ADAMTS20: variants seen among roughly 807,000 people sequenced by gnomAD.
ADAMTS20 encodes the protein A disintegrin and metalloproteinase with thrombospondin motifs 20.
In ADAMTS20, 225 loss-of-function variants were observed where a neutral mutation model predicts 260.1. The observed-to-expected ratio is 0.87, with a 90% CI of 0.78 to 0.97. The LOEUF is 0.97. ADAMTS20 is among the 50% of genes least tolerant of loss of function. The probability of loss-of-function intolerance (pLI) is 0.00; values close to 1 mark genes in which losing one functional copy is unlikely to be tolerated. For missense variants in ADAMTS20, 2,400 were observed against 2,337.7 expected (o/e 1.03, Z -0.55); for synonymous variants, 802 against 769.5 (o/e 1.04, Z -0.70).
chr12:43,494,989 G>GA (rs1257725120), intron 4 of ADAMTS20, among the ~76,000 whole-genome samples: 3 of 152,240 alleles, frequency 2.0e-5, no homozygotes, highest in Non-Finnish European at 4.4e-5. Context: ...GTGGTCCACA[G>GA]AAAAAAGAGC....
intron 28 of ADAMTS20, among the ~76,000 whole-genome samples, chr12:43,403,263 G>A (rs1223902486): frequency 6.6e-6 from 1 of 152,084 alleles, no homozygotes; most frequent in Admixed American, 6.6e-5. Flanking sequence ...TACTGCAGAA[G>A]AATGAATGTA....
chr12:43,522,460 T>C (rs1239222412), intron 3 of ADAMTS20, among the ~76,000 whole-genome samples: 1 of 152,188 alleles, frequency 6.6e-6, no homozygotes, highest in Non-Finnish European at 1.5e-5. Context: ...AGTCATCTGT[T>C]TATTGCTCTA....
intron 3 of ADAMTS20, among the ~76,000 whole-genome samples, chr12:43,528,414 A>G (rs1435287725): frequency 6.7e-6 from 1 of 150,074 alleles, no homozygotes; most frequent in Non-Finnish European, 1.5e-5. Flanking sequence ...TTCCAATTAT[A>G]CTACAAGGCT....
At chr12:43,517,365 T>C (rs1442632732) in intron 3 of ADAMTS20, among the ~76,000 whole-genome samples, 1 of 152,086 alleles carries the variant, frequency 6.6e-6, no homozygotes, top group Non-Finnish European at 1.5e-5. Context: ...ATAGGGCCAA[T>C]ATTTTAAAAT....
Position 43,416,833 on chromosome 12 carries a change from C to CT in ADAMTS20, c.4284+8680dup, listed in dbSNP as rs1941142064. ...CACCGCGCCCGGCCAAACTGAACTA[C>CT]TTTTTTCTGGTCTCTATGGTTTTGC... On this transcript the variant is annotated intron_variant, in intron 28 of 38. Transcript: ENST00000389420. Among the ~76,000 whole-genome samples, 8 of 152,116 alleles carry CT rather than the reference C, an allele frequency of 5.3e-5. No homozygotes were observed. The South Asian group carries it at 1.7e-3, about 32-fold the overall frequency.
At chr12:43,431,964 ACGTCCC>A (rs1941452564) in intron 21 of ADAMTS20, among the ~76,000 whole-genome samples, 1 of 151,356 alleles carries the variant, frequency 6.6e-6, no homozygotes, top group Non-Finnish European at 1.5e-5. Flanking sequence ...TTGATACTCC[ACGTCCC>A]AGACTCAAGC....
chr12:43,437,009 CTT>C, intron 18 of ADAMTS20, among the ~76,000 whole-genome samples: 1 of 152,262 alleles, frequency 6.6e-6, no homozygotes, highest in South Asian at 2.1e-4. Context: ...TTCAATCAGA[CTT>C]TTAGTACTTT....
intron 2 of ADAMTS20, among the ~76,000 whole-genome samples, chr12:43,545,125 C>T (rs867640841): frequency 6.6e-6 from 1 of 152,192 alleles, no homozygotes; most frequent in Non-Finnish European, 1.5e-5. Flanking sequence ...CTTCTCCTTC[C>T]CCACTGCAAC....
chr12:43,524,466 A>G (rs1437285388), intron 3 of ADAMTS20, among the ~76,000 whole-genome samples: 2 of 152,186 alleles, frequency 1.3e-5, no homozygotes, highest in East Asian at 3.9e-4. Context: ...TAAAACATGC[A>G]AAAGAACACA....
Position 43,532,105 on chromosome 12 carries a change from G to A in ADAMTS20, c.544C>T (p.Pro182Ser). 1 of 1,612,332 alleles carries A rather than the reference G, an allele frequency of 6.2e-7. No individual in the cohort carries two copies. The highest frequency in any genetic ancestry group is 2.2e-5 in the East Asian group (1 of 44,812). Residue 182 changes from proline to serine, a missense_variant, in exon 3 of 39, where the codon CCA (proline) becomes TCA (serine). Pro to Ser is a moderately conservative substitution (Grantham distance 74). Transcript: ENST00000389420. ...GNEYEDGHNK[P>S]HLIYRQDLNN... ...AAGTCTTGTCTGTATATAAGATGTGGCTTGTTGTGACCATCTTCATATTCA... is the reference window on the plus strand; with the variant it reads ...AAGTCTTGTCTGTATATAAGATGTGACTTGTTGTGACCATCTTCATATTCA...
intron 7 of ADAMTS20, 59 bp from the exon 8 acceptor site, chr12:43,468,764 A>G: frequency 9.9e-7 from 1 of 1,008,588 alleles, no homozygotes; most frequent in Non-Finnish European, 1.5e-6. Context: ...AATCATAAAG[A>G]ACTTAATTTT....
At chr12:43,445,569 G>A (rs1011353389) in intron 15 of ADAMTS20, among the ~76,000 whole-genome samples, 1 of 152,046 alleles carries the variant, frequency 6.6e-6, no homozygotes, top group Non-Finnish European at 1.5e-5. Flanking sequence ...AATAGGCTAG[G>A]TGTGGTGGTT....
intron 2 of ADAMTS20, among the ~76,000 whole-genome samples, chr12:43,541,827 C>A (rs894206763): frequency 2.0e-5 from 3 of 152,152 alleles, no homozygotes; most frequent in African/African-American, 7.2e-5. Context: ...GCATTATTTA[C>A]CTTCCCCATT....
chr12:43,399,923 G>A (rs535929856), intron 28 of ADAMTS20, among the ~76,000 whole-genome samples: 6 of 152,136 alleles, frequency 3.9e-5, no homozygotes, highest in African/African-American at 1.4e-4. Context: ...AAGCACTTGG[G>A]CTCTGGCATT....
At chr12:43,531,887 G>C in intron 3 of ADAMTS20, 149 bp downstream of exon 3, 1 of 523,346 alleles carries the variant, frequency 1.9e-6, no homozygotes. Flanking sequence ...TGTCATACAT[G>C]CTAAACATAC....
intron 3 of ADAMTS20, among the ~76,000 whole-genome samples, chr12:43,520,930 C>G (rs940751615): frequency 2.6e-5 from 4 of 152,114 alleles, no homozygotes; most frequent in Admixed American, 1.3e-4. Context: ...AAAAAAGAAT[C>G]TAGATTTTCA....
At position 43,432,369 on chromosome 12, in the gene ADAMTS20, G is replaced by C; in HGVS notation, c.3031C>G (p.Arg1011Gly). The change falls in exon 21 of 39, where the codon CGA becomes GGA. Residue 1011 changes from arginine (R) to glycine (G), a missense_variant. Coordinates refer to ENST00000389420, the MANE Select transcript of ADAMTS20 (RefSeq NM_025003.5). ...LADNECQELS[R>G]VTRENCNEFS... ...TCATTGCAATTCTCTCTCGTCACTC[G>C]GGACAGTTCTTGGCATTCATTGTCA... is the stretch of plus-strand genomic sequence containing the variant. The C allele has an allele frequency of 6.2e-7, 1 of 1,613,634 alleles. No homozygotes were observed. The highest frequency in any genetic ancestry group is 8.5e-7 in the Non-Finnish European group (1 of 1,179,806).
In ADAMTS20 at chr12:43,432,787, T is replaced by A. The variant is rs36046156; in HGVS notation, c.2745A>T (p.Glu915Asp). The A allele has an allele frequency of 2.4e-3, 3,950 of 1,613,884 alleles. 104 individuals carry two copies. In the African/African-American group the frequency reaches 0.048, roughly 20 times the overall value. Residue 915 changes from glutamate (E) to aspartate (D), a missense_variant, in exon 20 of 39, where the codon GAA becomes GAT. Glu to Asp is a conservative substitution (Grantham distance 45, BLOSUM62 2). Coordinates refer to ENST00000389420, the MANE Select transcript of ADAMTS20 (RefSeq NM_025003.5). ...ELRWHVIGKS[E>D]CSSQCGQGYR... ...ATCCTTGACCACATTGGGATGAACA[T>A]TCACTTTTGCCAATAACATGCCACC...
intron 7 of ADAMTS20, among the ~76,000 whole-genome samples, chr12:43,469,172 C>G (rs974513812): frequency 3.3e-5 from 5 of 151,958 alleles, no homozygotes; most frequent in Non-Finnish European, 7.4e-5. Flanking sequence ...ATTCAATTAT[C>G]ACATGACATG....
Sources: allele counts gnomAD v4.1 joint callset (sites outside exome capture counted in the v4.1 genomes callset), GRCh38; gene constraint gnomAD v4.1.1; transcripts MANE v1.5; gene names NCBI Gene and HGNC (gene_info 2026-07-23, HGNC 2026-07-21).